BACH2: variants seen among roughly 807,000 people sequenced by gnomAD.
BACH2 encodes the protein BACH transcriptional regulator 2.
A neutral mutation model predicts 61.8 loss-of-function variants in BACH2; 5 were observed. The ratio of observed to expected loss-of-function variants is 0.08; its 90% CI spans 0.04 to 0.17. The LOEUF (loss-of-function observed/expected upper bound fraction) is 0.17, where lower values mean the gene tolerates loss of function less well. Among genes scored for constraint, BACH2 ranks in the 10% least tolerant of loss-of-function variants. The pLI is 1.00. For synonymous variants in BACH2, 446 were observed against 440.1 expected, an observed-to-expected ratio of 1.01 and a Z score of -0.17; for missense variants, 824 against 1,091.1, an observed-to-expected ratio of 0.76 and a Z score of 3.45.
intron 7 of BACH2, among the ~76,000 whole-genome samples, chr6:89,946,616 A>G (rs1486536935): frequency 6.6e-6 from 1 of 152,238 alleles, no homozygotes; most frequent in African/African-American, 2.4e-5. Context: ...GATATTGGAG[A>G]AACATGTCTT....
At chr6:90,192,395 T>C (rs1029463060) in intron 4 of BACH2, among the ~76,000 whole-genome samples, 1 of 152,154 alleles carries the variant, frequency 6.6e-6, no homozygotes, top group Admixed American at 6.5e-5. Flanking sequence ...TAACTTCTTA[T>C]TGTAATTGAA....
intron 5 of BACH2, among the ~76,000 whole-genome samples, chr6:90,019,228 G>A (rs1278222715): frequency 6.6e-6 from 1 of 152,054 alleles, no homozygotes; most frequent in Non-Finnish European, 1.5e-5. Flanking sequence ...GATTTATAAG[G>A]GACATCTCAT....
intron 4 of BACH2, among the ~76,000 whole-genome samples, chr6:90,110,444 G>A (rs1279152232): frequency 6.6e-6 from 1 of 152,012 alleles, no homozygotes; most frequent in Non-Finnish European, 1.5e-5. Flanking sequence ...CACTAAGTTC[G>A]GAGATCTTTG....
chr6:90,033,775 A>T (rs956536389), intron 5 of BACH2, among the ~76,000 whole-genome samples: 4 of 152,202 alleles, frequency 2.6e-5, no homozygotes, highest in Non-Finnish European at 4.4e-5. Context: ...AAAAAAATCA[A>T]AATGGCACAG....
chr6:90,156,298 T>C (rs1784994601), intron 4 of BACH2, among the ~76,000 whole-genome samples: 2 of 152,224 alleles, frequency 1.3e-5, no homozygotes, highest in Non-Finnish European at 2.9e-5. Flanking sequence ...CTTACTCTAC[T>C]TTCATAACAA....
At chr6:90,243,323 C>T (rs745753336) in intron 3 of BACH2, among the ~76,000 whole-genome samples, 25 of 151,890 alleles carry the variant, frequency 1.6e-4, no homozygotes, top group Non-Finnish European at 2.8e-4. Flanking sequence ...CTTTGTGATG[C>T]CAATAACTCC....
chr6:90,168,241 C>T (rs764636934), intron 4 of BACH2, among the ~76,000 whole-genome samples: 2 of 152,056 alleles, frequency 1.3e-5, no homozygotes, highest in Non-Finnish European at 2.9e-5. Context: ...ATAGTCCCAG[C>T]TACATGGAAG....
At chr6:90,080,736 C>T (rs780455679) in intron 5 of BACH2, 32 of 984,204 alleles carry the variant, frequency 3.3e-5, no homozygotes, top group Non-Finnish European at 3.5e-5. Flanking sequence ...AAGGCGTCAA[C>T]CCTGAGAAAG....
chr6:89,939,534 ATCTTGACAAATTCCAAT>A (rs1773268448), intron 7 of BACH2, among the ~76,000 whole-genome samples: 1 of 152,196 alleles, frequency 6.6e-6, no homozygotes, highest in South Asian at 2.1e-4. Context: ...AAAATTCCAA[ATCTTGACAAATTCCAAT>A]TCTTGACAAA....
chr6:90,231,425 A>T (rs2127860347), intron 3 of BACH2, among the ~76,000 whole-genome samples: 1 of 152,298 alleles, frequency 6.6e-6, no homozygotes, highest in Admixed American at 6.5e-5. Context: ...CAACATGACC[A>T]AACTGCAAAT....
intron 1 of BACH2, among the ~76,000 whole-genome samples, chr6:90,287,323 A>G (rs946905245): frequency 1.3e-5 from 2 of 152,188 alleles, no homozygotes; most frequent in Admixed American, 6.5e-5. Flanking sequence ...AAATTTATCA[A>G]TTCAATTTGT....
intron 4 of BACH2, among the ~76,000 whole-genome samples, chr6:90,151,765 A>G (rs1361973798): frequency 6.6e-6 from 1 of 152,272 alleles, no homozygotes; most frequent in Non-Finnish European, 1.5e-5. Flanking sequence ...CCCAACTCCA[A>G]CTTCCTTATG....
At chr6:90,160,724 C>G (rs1785160540) in intron 4 of BACH2, among the ~76,000 whole-genome samples, 1 of 152,138 alleles carries the variant, frequency 6.6e-6, no homozygotes, top group Admixed American at 6.5e-5. Flanking sequence ...CTTGGTTTCT[C>G]TTGAGACAAA....
Position 89,932,312 on chromosome 6 carries a change from T to A in BACH2, c.*96A>T, listed in dbSNP as rs1772700942. On this transcript the variant is annotated 3_prime_UTR_variant, in exon 9 of 9. Transcript: ENST00000257749. ...GCTGTAGTGTGCACCAAATGTGTTC[T>A]CGGTTTCTTCGGGACAGCAGATGAA... 1 of 1,477,706 alleles carries A rather than the reference T, an allele frequency of 6.8e-7. No individual in the cohort carries two copies. Among genetic ancestry groups the A allele is most frequent in the Non-Finnish European group, 9.2e-7 (1 of 1,088,200 alleles). 91.5% of individuals were successfully genotyped at this position (1,477,706 alleles called of 1,614,324 possible).
chr6:90,137,060 T>TA (rs542710279), intron 4 of BACH2, among the ~76,000 whole-genome samples: 18 of 150,360 alleles, frequency 1.2e-4, no homozygotes, highest in African/African-American at 1.9e-4. Context: ...TGCACATACA[T>TA]AAAAAAAAAT....
At chr6:90,263,827 G>C (rs762924648) in intron 2 of BACH2, among the ~76,000 whole-genome samples, 1 of 152,130 alleles carries the variant, frequency 6.6e-6, no homozygotes, top group African/African-American at 2.4e-5. Flanking sequence ...AATAACTGAA[G>C]GTCCCATGTT....
chr6:90,201,886 A>C (rs1029323979), intron 4 of BACH2, among the ~76,000 whole-genome samples: 5 of 152,216 alleles, frequency 3.3e-5, no homozygotes, highest in Admixed American at 6.5e-5. Context: ...CATTTGGTGA[A>C]ACAAACCATT....
intron 2 of BACH2, among the ~76,000 whole-genome samples, chr6:90,265,894 C>T (rs1390108151): frequency 6.6e-6 from 1 of 152,212 alleles, no homozygotes; most frequent in Non-Finnish European, 1.5e-5. Flanking sequence ...GGTACTGTAA[C>T]AGTGCTCTCT....
intron 6 of BACH2, among the ~76,000 whole-genome samples, chr6:89,996,939 T>A (rs759584061): frequency 7.9e-5 from 12 of 152,096 alleles, no homozygotes; most frequent in Non-Finnish European, 1.8e-4. Flanking sequence ...ATTCCTCTGC[T>A]TCTATGAAGT....
Sources: gnomAD v4.1 joint callset for allele counts (sites outside exome capture counted in the v4.1 genomes callset) on GRCh38, gnomAD v4.1.1 for gene constraint, MANE v1.5 for transcripts, NCBI Gene and HGNC (gene_info 2026-07-23, HGNC 2026-07-21) for gene names.